The following PCMTD1 variants were observed in gnomAD, a reference collection of about 807,000 sequenced individuals.
PCMTD1 encodes the protein protein-L-isoaspartate (D-aspartate) O-methyltransferase domain containing 1, also known as protein-L-isoaspartate O-methyltransferase domain-containing protein 1.
PCMTD1 carries 12 observed loss-of-function variants against 37.6 expected under a neutral mutation model. The ratio of observed to expected loss-of-function variants is 0.32; its 90% CI spans 0.20 to 0.52. The LOEUF (loss-of-function observed/expected upper bound fraction) is 0.52, where lower values mean the gene tolerates loss of function less well. Among genes scored for constraint, PCMTD1 ranks in the 20% least tolerant of loss-of-function variants. The pLI is 0.97. For synonymous variants in PCMTD1, 117 were observed against 135.8 expected (o/e 0.86, Z 0.96); for missense variants, 235 against 421.3 (o/e 0.56, Z 3.87).
At chr8:51,864,304 A>G (rs567088703) in intron 1 of PCMTD1, among the ~76,000 whole-genome samples, 21 of 152,354 alleles carry the variant, frequency 1.4e-4, no homozygotes, top group Admixed American at 7.8e-4. Context: ...CTGAAATACA[A>G]TAATGGCAGA....
At chr8:51,868,887 C>T (rs971963869) in intron 1 of PCMTD1, among the ~76,000 whole-genome samples, 3 of 152,134 alleles carry the variant, frequency 2.0e-5, no homozygotes, top group African/African-American at 7.2e-5. Flanking sequence ...CAAAGAACCA[C>T]TGTCATTATT....
At chr8:51,863,291 T>C (rs2038501730) in intron 1 of PCMTD1, among the ~76,000 whole-genome samples, 1 of 152,218 alleles carries the variant, frequency 6.6e-6, no homozygotes, top group Non-Finnish European at 1.5e-5. Flanking sequence ...TTAAGAAGAA[T>C]GATCTGACCC....
chr8:51,845,722 C>T lies in PCMTD1; in HGVS notation c.349G>A (p.Val117Met). ...AGTTTTTCCTTGGCATATTCCACCA[C>T]ATCTGAATGAAGCTCAATCCCATGA... ...INHGIELHSD[V>M]VEYAKEKLES... Residue 117 changes from valine (V) to methionine (M), a missense_variant, in exon 3 of 6, where the codon GTG becomes ATG. Physicochemically the swap from Val to Met is conservative, Grantham distance 21. Transcript: ENST00000522514. 6.2e-7 allele frequency: 1 copy of T among 1,613,140 alleles called. No individual in the cohort carries two copies.
intron 3 of PCMTD1, among the ~76,000 whole-genome samples, chr8:51,843,672 G>A (rs1163069643): frequency 1.3e-5 from 2 of 151,434 alleles, no homozygotes; most frequent in Admixed American, 1.3e-4. Context: ...TATTTGTGTT[G>A]TGATTATTTA....
intron 1 of PCMTD1, among the ~76,000 whole-genome samples, chr8:51,878,093 G>T (rs758545327): frequency 1.3e-5 from 2 of 152,072 alleles, no homozygotes; most frequent in African/African-American, 2.4e-5. Flanking sequence ...AAAATAAAAA[G>T]ATACATAAAT....
intron 1 of PCMTD1, among the ~76,000 whole-genome samples, chr8:51,893,783 A>G (rs1472198791): frequency 6.6e-6 from 1 of 152,228 alleles, no homozygotes; most frequent in African/African-American, 2.4e-5. Flanking sequence ...GTGGACACAC[A>G]CAATTAAAAA....
intron 5 of PCMTD1, among the ~76,000 whole-genome samples, chr8:51,826,357 G>A (rs2037920982): frequency 6.6e-6 from 1 of 151,416 alleles, no homozygotes; most frequent in Non-Finnish European, 1.5e-5. Flanking sequence ...ACCACACCAG[G>A]GCCTGTCAAG....
intron 3 of PCMTD1, among the ~76,000 whole-genome samples, chr8:51,836,043 G>A (rs1183364454): frequency 3.3e-5 from 5 of 152,166 alleles, no homozygotes; most frequent in African/African-American, 4.8e-5. Context: ...GGAGACACTC[G>A]TGTCTATATC....
intron 1 of PCMTD1, among the ~76,000 whole-genome samples, chr8:51,894,852 G>A (rs2038978634): frequency 6.6e-6 from 1 of 151,944 alleles, no homozygotes; most frequent in Admixed American, 6.6e-5. Context: ...TTTTGATTTT[G>A]AGTCTAGATG....
At chr8:51,841,710 T>C (rs1162925881) in intron 3 of PCMTD1, among the ~76,000 whole-genome samples, 1 of 152,196 alleles carries the variant, frequency 6.6e-6, no homozygotes, top group East Asian at 1.9e-4. Context: ...AAATACTGAC[T>C]CATAATTTGA....
chr8:51,822,624 G>A (rs926812930), intron 5 of PCMTD1, among the ~76,000 whole-genome samples: 2 of 152,144 alleles, frequency 1.3e-5, no homozygotes, highest in African/African-American at 4.8e-5. Context: ...AGGAGATTAC[G>A]TACTGAATGC....
intron 1 of PCMTD1, among the ~76,000 whole-genome samples, chr8:51,863,412 G>C (rs1368706240): frequency 6.6e-6 from 1 of 152,134 alleles, no homozygotes; most frequent in Admixed American, 6.6e-5. Flanking sequence ...AAGGCAAGAA[G>C]AAGAATGAAA....
chr8:51,862,740 T>C (rs1384055278), intron 1 of PCMTD1, among the ~76,000 whole-genome samples: 2 of 152,216 alleles, frequency 1.3e-5, no homozygotes, highest in Non-Finnish European at 2.9e-5. Flanking sequence ...ATATTGTCTT[T>C]GTCTGTGTCC....
At chr8:51,823,048 C>T (rs951054318) in intron 5 of PCMTD1, among the ~76,000 whole-genome samples, 3 of 152,182 alleles carry the variant, frequency 2.0e-5, no homozygotes, top group Admixed American at 6.5e-5. Context: ...CCTAAATCAT[C>T]AGAGGAATAC....
At chr8:51,864,092 A>G (rs1177019955) in intron 1 of PCMTD1, among the ~76,000 whole-genome samples, 3 of 152,180 alleles carry the variant, frequency 2.0e-5, no homozygotes, top group Admixed American at 2.0e-4. Flanking sequence ...AATGATAACC[A>G]AAAGAGAGCA....
rs1298878856 is a variant in PCMTD1 at position 51,818,488 on chromosome 8, C to T, written c.*1863G>A. ...TTTTCCAGATAAAAACATGTGGTCA[C>T]CAGGAATTCAAGGTAACTAGGTACT... On this transcript the variant is annotated 3_prime_UTR_variant, in exon 6 of 6. Transcript: ENST00000522514. 6.6e-6 allele frequency: 1 copy of T among 152,204 alleles called. No homozygotes were observed. The highest frequency in any genetic ancestry group is 1.5e-5 in the Non-Finnish European group (1 of 68,366). 9.4% of individuals were successfully genotyped at this position (152,204 alleles called of 1,614,324 possible).
intron 2 of PCMTD1, chr8:51,849,853 T>C: frequency 1.9e-6 from 1 of 538,318 alleles, no homozygotes; most frequent in Non-Finnish European, 3.3e-6. Flanking sequence ...TCGCCCCTTG[T>C]AATGTCCAAC....
chr8:51,833,809 T>G (rs1239890343), intron 3 of PCMTD1, 120 bp from the exon 4 acceptor site: 13 of 608,230 alleles, frequency 2.1e-5, no homozygotes, highest in Non-Finnish European at 3.4e-5. Flanking sequence ...GATAAAATGA[T>G]TATAAACTTT....
chr8:51,898,784 C>A, intron 1 of PCMTD1, 146 bp downstream of exon 1: 1 of 788,580 alleles, frequency 1.3e-6, no homozygotes, highest in African/African-American at 1.8e-5. Flanking sequence ...CCGACCTGCC[C>A]GCCCTTAAGT....
Sources: allele counts gnomAD v4.1 joint callset (sites outside exome capture counted in the v4.1 genomes callset), GRCh38; gene constraint gnomAD v4.1.1; transcripts MANE v1.5; gene names NCBI Gene and HGNC (gene_info 2026-07-23, HGNC 2026-07-21).